RAB5B: variants seen among roughly 807,000 people sequenced by gnomAD.
The protein encoded by RAB5B is RAB5B, member RAS oncogene family.
A neutral mutation model predicts 28.6 loss-of-function variants in RAB5B; 11 were observed. The ratio of observed to expected loss-of-function variants is 0.38; its 90% confidence interval spans 0.24 to 0.64. The LOEUF is 0.64. RAB5B is among the 30% of genes least tolerant of loss of function. RAB5B has a pLI of 0.53. For synonymous variants in RAB5B, 93 were observed against 97.9 expected, an observed-to-expected ratio of 0.95 and a Z score of 0.29; for missense variants, 169 against 265.6, an observed-to-expected ratio of 0.64 and a Z score of 2.53.
At chr12:55,988,226 G>A (rs1255795998) in intron 2 of RAB5B, among the ~76,000 whole-genome samples, 1 of 152,202 alleles carries the variant, frequency 6.6e-6, no homozygotes, top group Non-Finnish European at 1.5e-5. Context: ...CAGCTACTTG[G>A]GAAGCTGAGG....
chr12:55,988,497 T>G (rs1215988004), intron 2 of RAB5B, among the ~76,000 whole-genome samples: 1 of 152,160 alleles, frequency 6.6e-6, no homozygotes, highest in Non-Finnish European at 1.5e-5. Context: ...TTCCCCTTGT[T>G]ATTTTTATTT....
intron 1 of RAB5B, chr12:55,985,502 T>C (rs1194138468): frequency 3.7e-6 from 1 of 271,324 alleles, no homozygotes; most frequent in Admixed American, 5.0e-5. Flanking sequence ...AATTTCATAG[T>C]TCCTTTCCGC....
At chr12:55,981,165 G>T in intron 1 of RAB5B, 1 of 744,362 alleles carries the variant, frequency 1.3e-6, no homozygotes, top group Non-Finnish European at 2.2e-6. Flanking sequence ...CCAGGTTCAA[G>T]CAATTCTCGT....
chr12:55,990,825 C>A, intron 4 of RAB5B, 21 bp downstream of exon 4: 1 of 1,612,000 alleles, frequency 6.2e-7, no homozygotes, highest in South Asian at 1.1e-5. Context: ...CCGTGGAGTT[C>A]CTCTCTAACA....
chr12:55,983,041 C>CTTT (rs568518153), intron 1 of RAB5B, among the ~76,000 whole-genome samples: 1 of 148,456 alleles, frequency 6.7e-6, no homozygotes. Context: ...ATCATCTGTC[C>CTTT]TTTTTTTTTT....
In RAB5B at chr12:55,991,471, T is replaced by C. The variant is rs1423726339; in HGVS notation, c.532+18T>C. The C allele has an allele frequency of 1.9e-6, 3 of 1,596,012 alleles. No homozygotes were observed. The highest frequency in any genetic ancestry group is 3.3e-5 in the Admixed American group (2 of 59,896). ...GGCAATAGGTAAGGTCAGAACATCC[T>C]GAGGTCCTCCTTTTTCCCTCGTTTA... On this transcript the variant is annotated intron_variant, in intron 5 of 5. Coordinates refer to ENST00000360299, the MANE Select transcript of RAB5B (RefSeq NM_002868.4).
intron 1 of RAB5B, among the ~76,000 whole-genome samples, chr12:55,978,569 G>C (rs1392698484): frequency 1.3e-5 from 2 of 152,060 alleles, no homozygotes; most frequent in Admixed American, 1.3e-4. Context: ...AGAAAGGGAG[G>C]AGTTGATTGG....
intron 1 of RAB5B, among the ~76,000 whole-genome samples, chr12:55,975,632 A>G (rs2136467944): frequency 6.6e-6 from 1 of 151,860 alleles, no homozygotes; most frequent in South Asian, 2.1e-4. Flanking sequence ...AAAAAGACAA[A>G]GATTGCCAAA....
At chr12:55,987,271 A>C in intron 2 of RAB5B, 148 bp downstream of exon 2, 64 of 742,362 alleles carry the variant, frequency 8.6e-5, no homozygotes, top group Middle Eastern at 4.0e-4. Flanking sequence ...AGCGATTCTC[A>C]TGCCTCAGCC....
chr12:55,981,508 A>G (rs1341109561), intron 1 of RAB5B, among the ~76,000 whole-genome samples: 1 of 152,146 alleles, frequency 6.6e-6, no homozygotes, highest in Non-Finnish European at 1.5e-5. Flanking sequence ...GGCTATATAT[A>G]CCGAGAACTC....
At chr12:55,981,994 G>C (rs1407680150) in intron 1 of RAB5B, among the ~76,000 whole-genome samples, 1 of 151,820 alleles carries the variant, frequency 6.6e-6, no homozygotes, top group African/African-American at 2.4e-5. Flanking sequence ...TAGAGACGGG[G>C]TTTCACCATG....
At chr12:55,991,224 C>A in intron 4 of RAB5B, 136 bp from the exon 5 acceptor site, 2 of 637,076 alleles carry the variant, frequency 3.1e-6, no homozygotes, top group Middle Eastern at 2.8e-4. Context: ...TGCATCTAGG[C>A]TAGCTGGCTC....
intron 1 of RAB5B, among the ~76,000 whole-genome samples, chr12:55,978,094 G>A (rs970165135): frequency 4.6e-5 from 7 of 152,232 alleles, no homozygotes; most frequent in Non-Finnish European, 1.5e-5. Context: ...AAAGCAGTTA[G>A]CCCATGCGAG....
chr12:55,983,675 C>G (rs1406566305), intron 1 of RAB5B, among the ~76,000 whole-genome samples: 1 of 92,412 alleles, frequency 1.1e-5, no homozygotes, highest in Non-Finnish European at 2.1e-5. Context: ...TTTTTTTTTT[C>G]CAGAGATAGC....
chr12:55,992,187 A>C lies in RAB5B; in HGVS notation c.623A>C (p.Asn208Thr), dbSNP rs1488971259. The C allele has an allele frequency of 6.2e-7, 1 of 1,613,968 alleles. No individual in the cohort carries two copies. The highest frequency in any genetic ancestry group is 8.5e-7 in the Non-Finnish European group (1 of 1,179,994). Residue 208 changes from asparagine to threonine, a missense_variant, in exon 6 of 6, where the codon AAC becomes ACC. Asn to Thr is a moderately conservative substitution (Grantham distance 65). Transcript: ENST00000360299. Reference protein sequence around the residue: ...GVDLHEQSQQNKSQCCSN With the variant: ...GVDLHEQSQQTKSQCCSN ...GATCTCCATGAACAGTCCCAGCAGA[A>C]CAAGAGCCAGTGTTGTAGCAACTGA...
rs568937507 is a variant in RAB5B at position 55,977,961 on chromosome 12, G to A, written c.-93+3822G>A. Among the ~76,000 whole-genome samples the A allele has an allele frequency of 7.9e-5, 12 of 152,242 alleles. No individual in the cohort carries two copies. In the South Asian group the frequency reaches 1.7e-3, roughly 21 times the overall value. On this transcript the variant is annotated intron_variant, in intron 1 of 5. Coordinates refer to ENST00000360299, the MANE Select transcript of RAB5B (RefSeq NM_002868.4). ...AGATAGTGGCCCAAAGCTTTTGACC[G>A]TTCAACATCAACTGAAAATTCAGCG... is the stretch of plus-strand genomic sequence containing the variant.
intron 1 of RAB5B, among the ~76,000 whole-genome samples, chr12:55,981,315 C>T (rs933487627): frequency 6.6e-5 from 10 of 152,100 alleles, no homozygotes; most frequent in African/African-American, 1.7e-4. Flanking sequence ...CTGCCCATCT[C>T]GCCCTCCCAA....
rs1317813994 is a variant in RAB5B, at chr12:55,992,194, C to T, written c.630C>T (p.Ser210=). The T allele has an allele frequency of 2.5e-6, 4 of 1,613,866 alleles. No homozygotes were observed. The South Asian group carries it at 4.4e-5, about 18-fold the overall frequency. The change falls in exon 6 of 6, where the codon AGC becomes AGT. Residue 210 remains serine, a synonymous_variant. Transcript: ENST00000360299. The part of the protein sequence containing the change: ...DLHEQSQQNK[S]QCCSN ...ATGAACAGTCCCAGCAGAACAAGAG[C>T]CAGTGTTGTAGCAACTGAGGGGGTG...
At chr12:55,982,262 T>A (rs1347453922) in intron 1 of RAB5B, among the ~76,000 whole-genome samples, 4 of 147,656 alleles carry the variant, frequency 2.7e-5, no homozygotes, top group Admixed American at 6.8e-5. Flanking sequence ...AAAAAAAAAA[T>A]TAGTATTTTT....
Sources: allele counts gnomAD v4.1 joint callset (sites outside exome capture counted in the v4.1 genomes callset), GRCh38; gene constraint gnomAD v4.1.1; transcripts MANE v1.5; gene names NCBI Gene and HGNC (gene_info 2026-07-23, HGNC 2026-07-21).